The following CACNB4 variants were observed in gnomAD, a reference collection of about 807,000 sequenced individuals.
CACNB4 encodes the protein voltage-dependent L-type calcium channel subunit beta-4.
Under a neutral mutation model 71.2 loss-of-function variants are expected in CACNB4, and 32 were observed. That is an observed-to-expected ratio of 0.45 (90% confidence interval 0.34 to 0.60). CACNB4 has a LOEUF of 0.60. CACNB4 is among the 20% of genes least tolerant of loss of function. CACNB4 has a pLI of 0.01. For synonymous variants in CACNB4, 231 were observed against 236.9 expected, an observed-to-expected ratio of 0.97 and a Z score of 0.23; for missense variants, 464 against 647.9, an observed-to-expected ratio of 0.72 and a Z score of 3.08.
chr2:152,081,815 C>A lies in CACNB4; in HGVS notation c.147+16515G>T, dbSNP rs1687374323. Among the ~76,000 whole-genome samples, 6 of 152,310 alleles carry A rather than the reference C, an allele frequency of 3.9e-5. No individual in the cohort carries two copies. The South Asian group carries it at 1.2e-3, about 32-fold the overall frequency. On this transcript the variant is annotated intron_variant, in intron 2 of 13. Coordinates refer to ENST00000539935, the MANE Select transcript of CACNB4 (RefSeq NM_000726.5). The stretch of plus-strand genomic sequence containing the variant: ...GTTACTTAAAAACAGAAATTCCTAC[C>A]TCATCTTTGCAATAAAGGCAACTTT...
At position 151,930,005 on chromosome 2, in the gene CACNB4, C is replaced by T. The variant is rs1400258158; in HGVS notation, c.148-46635G>A. ...TGGGGAACATTTTCACAAAATCATACACAGATTTATACAGAAAAATAAATT... is the reference window on the plus strand; with the variant it reads ...TGGGGAACATTTTCACAAAATCATATACAGATTTATACAGAAAAATAAATT... On this transcript the variant is annotated intron_variant, in intron 2 of 13. Transcript: ENST00000539935. 2.0e-5 allele frequency among the ~76,000 whole-genome samples: 3 copies of T among 152,054 alleles called. No individual in the cohort carries two copies. The East Asian group carries it at 5.8e-4, about 29-fold the overall frequency.
intron 2 of CACNB4, among the ~76,000 whole-genome samples, chr2:151,997,749 T>C (rs1682146482): frequency 6.6e-6 from 1 of 152,146 alleles, no homozygotes; most frequent in Non-Finnish European, 1.5e-5. Context: ...TTCTGACCCC[T>C]ACAACTGTGA....
At position 152,098,612 on chromosome 2, in the gene CACNB4, C is replaced by A; in HGVS notation, c.64-199G>T. The stretch of plus-strand genomic sequence containing the variant: ...GCAAGCCTCGACTGCTGAAAAGATG[C>A]TCGAGAAGAGCAGCCCGCAAGCACC... On this transcript the variant is annotated intron_variant, in intron 1 of 13. Coordinates refer to ENST00000539935, the MANE Select transcript of CACNB4 (RefSeq NM_000726.5). The surrounding 1 kb of genome is among the most constrained non-coding windows in gnomAD (Gnocchi z 5.3). The A allele has an allele frequency of 8.6e-7, 1 of 1,157,218 alleles. No individual in the cohort carries two copies. Among genetic ancestry groups the A allele is most frequent in the South Asian group, 1.3e-5 (1 of 76,844 alleles). 71.7% of individuals were successfully genotyped at this position (1,157,218 alleles called of 1,614,324 possible).
intron 2 of CACNB4, among the ~76,000 whole-genome samples, chr2:151,957,179 T>A (rs571501006): frequency 6.6e-6 from 1 of 151,882 alleles, no homozygotes; most frequent in South Asian, 2.1e-4. Context: ...ATAGGCCTTT[T>A]AATTTCCTAA....
chr2:152,035,624 C>CCTATCCCT (rs1553817987), intron 2 of CACNB4, among the ~76,000 whole-genome samples: 1 of 31,324 alleles, frequency 3.2e-5, no homozygotes, highest in African/African-American at 1.2e-4. Context: ...TCTCTCCCTC[C>CCTATCCCT]CTCTCCCTCT....
chr2:152,098,980 G>A lies in CACNB4; in HGVS notation c.32C>T (p.Thr11Ile). The A allele has an allele frequency of 6.5e-7, 1 of 1,534,144 alleles. No homozygotes were observed. The highest frequency in any genetic ancestry group is 1.2e-5 in the South Asian group (1 of 81,644). ...GGTGGGGGAGTGCGGCCCGTCCGCG[G>A]TCCCGTTCTTGGCGTAGGAGGAGGA... Reference protein sequence around the residue: MSSSSYAKNGTADGPHSPTSQ... With the variant: MSSSSYAKNGIADGPHSPTSQ... Residue 11 changes from threonine to isoleucine, a missense_variant, in exon 1 of 14, where the codon ACC (threonine) becomes ATC (isoleucine). Transcript: ENST00000539935. The surrounding 1 kb of genome is among the most constrained non-coding windows in gnomAD (Gnocchi z 5.3).
chr2:151,938,724 C>T (rs927813484), intron 2 of CACNB4, among the ~76,000 whole-genome samples: 16 of 152,326 alleles, frequency 1.1e-4, no homozygotes, highest in African/African-American at 3.6e-4. Flanking sequence ...CTCACCAACC[C>T]TCCTACCCCC....
chr2:152,072,785 C>T (rs1344337000), intron 2 of CACNB4, among the ~76,000 whole-genome samples: 4 of 151,638 alleles, frequency 2.6e-5, no homozygotes, highest in Non-Finnish European at 4.4e-5. Context: ...GGACTACAGG[C>T]GCCCACCACC....
chr2:151,869,059 G>T (rs2099843918), intron 9 of CACNB4, 118 bp downstream of exon 9: 1 of 657,278 alleles, frequency 1.5e-6, no homozygotes, highest in Non-Finnish European at 2.7e-6. Flanking sequence ...CAAGAATACT[G>T]AGTTAACTTT....
At chr2:151,962,452 C>T (rs1005335537) in intron 2 of CACNB4, among the ~76,000 whole-genome samples, 5 of 152,176 alleles carry the variant, frequency 3.3e-5, no homozygotes, top group African/African-American at 1.2e-4. Context: ...ACAAATACTG[C>T]TGTTCCTTTT....
chr2:151,946,535 T>C (rs754093119), intron 2 of CACNB4, among the ~76,000 whole-genome samples: 1 of 152,180 alleles, frequency 6.6e-6, no homozygotes, highest in Non-Finnish European at 1.5e-5. Context: ...GGATGCACTT[T>C]AAACCATTAG....
At chr2:151,878,550 T>TACACACACAC (rs60040188) in intron 4 of CACNB4, among the ~76,000 whole-genome samples, 6,800 of 129,888 alleles carry the variant, frequency 0.052, 250 homozygotes, top group Non-Finnish European at 0.062. Context: ...AGACCCTGTC[T>TACACACACAC]ACACACACAC....
chr2:152,009,881 G>A (rs1682960495), intron 2 of CACNB4, among the ~76,000 whole-genome samples: 1 of 152,190 alleles, frequency 6.6e-6, no homozygotes, highest in Non-Finnish European at 1.5e-5. Flanking sequence ...TGCTAAAAAG[G>A]CGTCAAGAAA....
intron 2 of CACNB4, among the ~76,000 whole-genome samples, chr2:152,079,495 TC>T (rs1374447189): frequency 1.3e-5 from 2 of 152,022 alleles, no homozygotes; most frequent in South Asian, 4.2e-4. Flanking sequence ...CTCTAAAATC[TC>T]CCTGCTTGGC....
At chr2:151,847,885 G>A (rs1002838819) in intron 12 of CACNB4, among the ~76,000 whole-genome samples, 7 of 152,124 alleles carry the variant, frequency 4.6e-5, no homozygotes, top group African/African-American at 1.7e-4. Flanking sequence ...CTGGGCTCTA[G>A]CAGTTAGTTC....
intron 9 of CACNB4, 111 bp downstream of exon 9, chr2:151,869,066 C>G (rs2099843920): frequency 1.4e-6 from 1 of 690,980 alleles, no homozygotes; most frequent in Non-Finnish European, 2.5e-6. Context: ...ACTGAGTTAA[C>G]TTTTAACTAG....
chr2:152,084,801 GT>G (rs531788341), intron 2 of CACNB4, among the ~76,000 whole-genome samples: 147 of 151,132 alleles, frequency 9.7e-4, no homozygotes, highest in Middle Eastern at 3.4e-3. Flanking sequence ...AATTTGTTTT[GT>G]TTTGTAGAGA....
intron 2 of CACNB4, chr2:151,971,483 C>A: frequency 1.4e-6 from 1 of 702,598 alleles, no homozygotes; most frequent in Non-Finnish European, 2.6e-6. Flanking sequence ...AGCCTTTCCA[C>A]GCCTATCCAC....
chr2:151,860,690 T>G (rs1342258352), intron 10 of CACNB4, 21 bp downstream of exon 10: 1 of 1,486,456 alleles, frequency 6.7e-7, no homozygotes. Flanking sequence ...CTTGAAGAAG[T>G]ACCACATTTG....
Sources: allele counts gnomAD v4.1 joint callset (sites outside exome capture counted in the v4.1 genomes callset), GRCh38; gene constraint gnomAD v4.1.1; non-coding constraint Gnocchi (gnomAD v3.1); transcripts MANE v1.5; gene names NCBI Gene and HGNC (gene_info 2026-07-23, HGNC 2026-07-21).